Variants in AUTS2 observed in about 807,000 individuals in gnomAD.
AUTS2 encodes autism susceptibility gene 2 protein.
In AUTS2, 17 loss-of-function variants were observed where a neutral mutation model predicts 112.4. That is an observed-to-expected ratio of 0.15 (90% CI 0.10 to 0.23). AUTS2 has a LOEUF of 0.23. AUTS2 is among the 10% of genes least tolerant of loss of function. The pLI is 1.00. For missense variants in AUTS2, 1,510 were observed against 1,701.6 expected (o/e 0.89, Z 1.98); for synonymous variants, 751 against 702.7 (o/e 1.07, Z -1.09).
intron 2 of AUTS2, among the ~76,000 whole-genome samples, chr7:69,980,559 A>G (rs1798253621): frequency 6.6e-6 from 1 of 152,064 alleles, no homozygotes; most frequent in African/African-American, 2.4e-5. Context: ...TCCATACTAC[A>G]TTTATGAACT....
intron 2 of AUTS2, among the ~76,000 whole-genome samples, chr7:69,988,336 T>C (rs1798597710): frequency 6.6e-6 from 1 of 152,178 alleles, no homozygotes; most frequent in Admixed American, 6.5e-5. Flanking sequence ...CAGCTAAGAT[T>C]GTATAGCTGG....
intron 4 of AUTS2, among the ~76,000 whole-genome samples, chr7:70,212,623 A>T (rs1014524078): frequency 1.4e-4 from 21 of 152,320 alleles, no homozygotes; most frequent in African/African-American, 5.1e-4. Flanking sequence ...CATTAAAAAA[A>T]AATCTCTGGA....
intron 4 of AUTS2, among the ~76,000 whole-genome samples, chr7:70,362,451 T>G (rs1401073839): frequency 6.6e-6 from 1 of 152,172 alleles, no homozygotes; most frequent in Non-Finnish European, 1.5e-5. Flanking sequence ...CCTGAAATAC[T>G]GTAGTGGGAT....
intron 5 of AUTS2, among the ~76,000 whole-genome samples, chr7:70,604,467 G>A (rs189470257): frequency 1.3e-4 from 20 of 152,316 alleles, no homozygotes; most frequent in Non-Finnish European, 2.2e-4. Context: ...CCAGATTTGC[G>A]TTCAGCATGC....
intron 1 of AUTS2, among the ~76,000 whole-genome samples, chr7:69,661,219 G>C (rs1053491165): frequency 1.3e-5 from 2 of 152,202 alleles, no homozygotes; most frequent in Admixed American, 6.5e-5. Context: ...CAAAGATTCA[G>C]AGAAGACATT....
intron 1 of AUTS2, among the ~76,000 whole-genome samples, chr7:69,749,725 G>A (rs114052845): frequency 1.3e-5 from 2 of 152,162 alleles, no homozygotes; most frequent in South Asian, 2.1e-4. Context: ...AACAGTTCTC[G>A]CTGGCTTGCG....
intron 5 of AUTS2, among the ~76,000 whole-genome samples, chr7:70,598,770 C>CA (rs1034633528): frequency 6.6e-6 from 1 of 151,964 alleles, no homozygotes; most frequent in Non-Finnish European, 1.5e-5. Context: ...TCCAAATTCC[C>CA]TTTTTTTTCT....
At chr7:70,024,370 CA>C (rs1484457038) in intron 2 of AUTS2, among the ~76,000 whole-genome samples, 1 of 152,170 alleles carries the variant, frequency 6.6e-6, no homozygotes, top group Non-Finnish European at 1.5e-5. Flanking sequence ...AAATTACAAA[CA>C]ATGGAATGGA....
intron 1 of AUTS2, among the ~76,000 whole-genome samples, chr7:69,616,110 C>T (rs576979262): frequency 7.9e-5 from 12 of 152,306 alleles, no homozygotes; most frequent in Admixed American, 2.0e-4. Flanking sequence ...CACAGTATTG[C>T]AGCCAGTTGG....
chr7:70,443,494 A>T (rs1218925644), intron 5 of AUTS2, among the ~76,000 whole-genome samples: 1 of 152,230 alleles, frequency 6.6e-6, no homozygotes, highest in African/African-American at 2.4e-5. Flanking sequence ...AGGGAAATTA[A>T]TATGTGATTG....
chr7:69,924,166 A>G (rs1490047050), intron 2 of AUTS2, among the ~76,000 whole-genome samples: 1 of 131,386 alleles, frequency 7.6e-6, no homozygotes, highest in African/African-American at 3.1e-5. Context: ...TATTTTGTCA[A>G]ACACCTTTTT....
At chr7:70,097,814 C>A (rs1221079163) in intron 2 of AUTS2, among the ~76,000 whole-genome samples, 1 of 152,238 alleles carries the variant, frequency 6.6e-6, no homozygotes, top group Middle Eastern at 3.2e-3. Context: ...TCTTGACATG[C>A]ATGCTTCATG....
At chr7:70,212,184 T>G (rs2129588603) in intron 4 of AUTS2, among the ~76,000 whole-genome samples, 1 of 152,320 alleles carries the variant, frequency 6.6e-6, no homozygotes, top group East Asian at 1.9e-4. Context: ...CTGCTGAGTG[T>G]TAACAAAAGG....
intron 3 of AUTS2, among the ~76,000 whole-genome samples, chr7:70,124,406 T>C (rs951768490): frequency 2.0e-5 from 3 of 152,202 alleles, no homozygotes; most frequent in Non-Finnish European, 4.4e-5. Context: ...TTGCTTTTGA[T>C]GACTTTGTCA....
chr7:69,846,456 C>T (rs568088310), intron 1 of AUTS2, among the ~76,000 whole-genome samples: 3 of 152,190 alleles, frequency 2.0e-5, no homozygotes, highest in Admixed American at 6.5e-5. Flanking sequence ...TGGCATTGGG[C>T]CCAGAATCCA....
chr7:70,043,853 C>G (rs1801380531), intron 2 of AUTS2, among the ~76,000 whole-genome samples: 1 of 152,016 alleles, frequency 6.6e-6, no homozygotes, highest in African/African-American at 2.4e-5. Flanking sequence ...AGGTGATCCG[C>G]CCATCTCAGC....
intron 4 of AUTS2, among the ~76,000 whole-genome samples, chr7:70,197,383 G>A (rs547987724): frequency 1.3e-5 from 2 of 151,576 alleles, no homozygotes; most frequent in African/African-American, 2.4e-5. Context: ...AGCTCCCAGC[G>A]TGAGCGACGC....
chr7:70,354,983 G>A (rs185482079), intron 4 of AUTS2, among the ~76,000 whole-genome samples: 1 of 145,746 alleles, frequency 6.9e-6, no homozygotes, highest in Non-Finnish European at 1.5e-5. Flanking sequence ...TGTATGTATG[G>A]GTGTGTGTGT....
intron 1 of AUTS2, among the ~76,000 whole-genome samples, chr7:69,811,864 CTATGTTTTATTT>C (rs1790559398): frequency 6.6e-6 from 1 of 152,154 alleles, no homozygotes; most frequent in Non-Finnish European, 1.5e-5. Context: ...AGGGCAAAGA[CTATGTTTTATTT>C]TATGCTGTAT....
Sources: gnomAD v4.1 joint callset for allele counts (sites outside exome capture counted in the v4.1 genomes callset) on GRCh38, gnomAD v4.1.1 for gene constraint, MANE v1.5 for transcripts, NCBI Gene and HGNC (gene_info 2026-07-23, HGNC 2026-07-21) for gene names.